SPRY3: variants seen among roughly 807,000 people sequenced by gnomAD.
SPRY3 encodes the protein sprouty RTK signaling antagonist 3, also known as protein sprouty homolog 3.
A neutral mutation model predicts 20.2 loss-of-function variants in SPRY3; 15 were observed. The observed-to-expected ratio is 0.74, with a 90% CI of 0.50 to 1.14. The LOEUF (loss-of-function observed/expected upper bound fraction) is 1.14. Among genes scored for constraint, SPRY3 ranks in the 50% most tolerant of loss-of-function variants. The pLI is 0.00. For synonymous variants in SPRY3, 143 were observed against 136.5 expected (o/e 1.05, Z -0.33); for missense variants, 364 against 363.9 (o/e 1.00, Z 0.00).
At chrX:155,726,296 T>C (rs1458249952) in intron 2 of SPRY3, among the ~76,000 whole-genome samples, 3 of 152,184 alleles carry the variant, frequency 2.0e-5, no homozygotes, top group African/African-American at 7.2e-5. Context: ...GTATATTCTG[T>C]TGATTTGGGG....
At chrX:155,694,179 C>A (rs1465982634) in intron 2 of SPRY3, among the ~76,000 whole-genome samples, 1 of 111,535 alleles carries the variant, frequency 9.0e-6, no homozygotes, top group Non-Finnish European at 1.9e-5. Context: ...TATCTTTGTT[C>A]CCTCTGTTTT....
At chrX:155,766,419 A>C (rs2091330398) in intron 2 of SPRY3, among the ~76,000 whole-genome samples, 1 of 152,190 alleles carries the variant, frequency 6.6e-6, no homozygotes, top group African/African-American at 2.4e-5. Context: ...TCACACAAGG[A>C]GTCAGAATAA....
At chrX:155,714,786 C>A (rs777992194) in intron 2 of SPRY3, among the ~76,000 whole-genome samples, 1 of 152,092 alleles carries the variant, frequency 6.6e-6, no homozygotes, top group Non-Finnish European at 1.5e-5. Flanking sequence ...GGCACTCAAA[C>A]CACAATACAA....
chrX:155,670,819 C>G (rs2068038095), intron 2 of SPRY3, among the ~76,000 whole-genome samples: 1 of 111,783 alleles, frequency 8.9e-6, no homozygotes, highest in Non-Finnish European at 1.9e-5. Flanking sequence ...TCACATAAGG[C>G]AGAACGAGGG....
chrX:155,764,530 G>A (rs1360652759), intron 2 of SPRY3, among the ~76,000 whole-genome samples: 2 of 152,112 alleles, frequency 1.3e-5, no homozygotes, highest in Non-Finnish European at 2.9e-5. Context: ...CCAAAAATTG[G>A]TTATCCATTC....
intron 2 of SPRY3, among the ~76,000 whole-genome samples, chrX:155,695,352 CAA>C (rs1368057223): frequency 9.0e-6 from 1 of 111,398 alleles, no homozygotes. Context: ...TGCAGTCACT[CAA>C]ATTATTGTTT....
At chrX:155,738,925 C>G (rs193293238) in intron 2 of SPRY3, among the ~76,000 whole-genome samples, 3 of 152,346 alleles carry the variant, frequency 2.0e-5, no homozygotes, top group Admixed American at 6.5e-5. Context: ...TGGCATTGTT[C>G]TGTGGGCCCC....
intron 2 of SPRY3, among the ~76,000 whole-genome samples, chrX:155,704,363 G>A (rs193048650): frequency 4.0e-5 from 6 of 151,702 alleles, no homozygotes; most frequent in Non-Finnish European, 7.4e-5. Context: ...ACAAAATAAC[G>A]GAGATGAAGA....
At chrX:155,726,148 C>T (rs2091095434) in intron 2 of SPRY3, among the ~76,000 whole-genome samples, 1 of 152,024 alleles carries the variant, frequency 6.6e-6, no homozygotes, top group South Asian at 2.1e-4. Context: ...TTTATTAATC[C>T]TGAGTTTTAA....
At chrX:155,716,717 T>C (rs745846410) in intron 2 of SPRY3, among the ~76,000 whole-genome samples, 72 of 152,074 alleles carry the variant, frequency 4.7e-4, no homozygotes, top group South Asian at 3.7e-3. Context: ...TTTTTTTTAA[T>C]CCTGGTTTTC....
At chrX:155,769,860 G>A (rs758810978) in intron 3 of SPRY3, among the ~76,000 whole-genome samples, 1 of 152,334 alleles carries the variant, frequency 6.6e-6, no homozygotes, top group African/African-American at 2.4e-5. Flanking sequence ...CAGTGGCAGA[G>A]AGGTTAGTAA....
chrX:155,621,145 A>G (rs933616484), intron 1 of SPRY3, among the ~76,000 whole-genome samples: 6 of 111,983 alleles, frequency 5.4e-5, no homozygotes, highest in Non-Finnish European at 1.1e-4. Context: ...AAGAATATGC[A>G]AGAACAGCTA....
intron 2 of SPRY3, among the ~76,000 whole-genome samples, chrX:155,724,529 C>G (rs1249881283): frequency 6.6e-6 from 1 of 151,920 alleles, no homozygotes; most frequent in Non-Finnish European, 1.5e-5. Flanking sequence ...TCCTAGGATT[C>G]CGAAATTCCT....
chrX:155,647,249 A>G (rs1162571696), intron 1 of SPRY3, among the ~76,000 whole-genome samples: 1 of 110,046 alleles, frequency 9.1e-6, no homozygotes, highest in African/African-American at 3.3e-5. Flanking sequence ...TTTGGAGTGC[A>G]TATATGTTTA....
At chrX:155,735,546 C>G (rs748915490) in intron 2 of SPRY3, among the ~76,000 whole-genome samples, 40 of 152,004 alleles carry the variant, frequency 2.6e-4, no homozygotes, top group South Asian at 4.2e-4. Context: ...AGAATTGACC[C>G]CTTTATTATG....
chrX:155,758,977 G>A (rs771054236), intron 2 of SPRY3, among the ~76,000 whole-genome samples: 27 of 152,110 alleles, frequency 1.8e-4, no homozygotes, highest in African/African-American at 6.3e-4. Context: ...TGAGTGTAAG[G>A]GACCCTCTTA....
Position 155,752,240 on chromosome X carries a change from C to T in SPRY3, c.-281-15722C>T. Among the ~76,000 whole-genome samples the T allele has an allele frequency of 2.0e-5, 3 of 151,320 alleles. No homozygotes were observed. In the Middle Eastern group the frequency reaches 0.01, roughly 515 times the overall value. Reference sequence around the variant, plus strand: ...CCTATGGGGTAGCTCTATTGGATCGCTAACTCACCCCTTCACCAAAATTAA... The same window carrying T: ...CCTATGGGGTAGCTCTATTGGATCGTTAACTCACCCCTTCACCAAAATTAA... On this transcript the variant is annotated intron_variant, in intron 2 of 3. Coordinates refer to ENST00000675360, the Ensembl canonical transcript of SPRY3.
chrX:155,780,303 G>T (rs1293996118), downstream of SPRY3: 2 of 166,964 alleles, frequency 1.2e-5, no homozygotes, highest in African/African-American at 2.4e-5. Context: ...CTAAACTGCT[G>T]AACACAGAAG....
At chrX:155,731,264 A>G (rs150010717) in intron 2 of SPRY3, among the ~76,000 whole-genome samples, 1,701 of 152,246 alleles carry the variant, frequency 0.011, 33 homozygotes, top group African/African-American at 0.039. Context: ...AAATTATACT[A>G]CAGAGCTATA....
Sources: allele counts gnomAD v4.1 joint callset (sites outside exome capture counted in the v4.1 genomes callset), GRCh38; gene constraint gnomAD v4.1.1; transcripts MANE v1.5; gene names NCBI Gene and HGNC (gene_info 2026-07-23, HGNC 2026-07-21).